Variants in ZNF407 observed in about 807,000 individuals in gnomAD.
ZNF407 encodes the protein zinc finger protein 407.
Under a neutral mutation model 131.2 loss-of-function variants are expected in ZNF407, and 17 were observed. The observed-to-expected ratio is 0.13, with a 90% CI of 0.09 to 0.19. The LOEUF (loss-of-function observed/expected upper bound fraction) is 0.19. Ranked by LOEUF, ZNF407 falls within the 10% of genes least tolerant of loss-of-function variation. ZNF407 has a pLI of 1.00. For missense variants in ZNF407, 2,681 were observed against 2,830.6 expected, an observed-to-expected ratio of 0.95 and a Z score of 1.20; for synonymous variants, 1,156 against 1,062.0, an observed-to-expected ratio of 1.09 and a Z score of -1.72.
intron 3 of ZNF407, among the ~76,000 whole-genome samples, chr18:74,762,643 G>T (rs931744667): frequency 9.3e-5 from 14 of 150,866 alleles, no homozygotes; most frequent in Admixed American, 7.3e-4. Flanking sequence ...TTATTAGCTT[G>T]CATTTTTAGA....
At chr18:75,005,558 C>T (rs1238636670) in intron 8 of ZNF407, among the ~76,000 whole-genome samples, 2 of 151,846 alleles carry the variant, frequency 1.3e-5, no homozygotes, top group Non-Finnish European at 2.9e-5. Flanking sequence ...CATTGACTGC[C>T]TTATTTTTTT....
intron 8 of ZNF407, among the ~76,000 whole-genome samples, chr18:75,031,326 T>G (rs756731911): frequency 4.6e-5 from 7 of 152,240 alleles, no homozygotes; most frequent in Non-Finnish European, 8.8e-5. Context: ...CATTTTCTAT[T>G]CTTTTGTTTA....
chr18:74,623,152 GA>G (rs1193136235), intron 1 of ZNF407, among the ~76,000 whole-genome samples: 1 of 45,214 alleles, frequency 2.2e-5, no homozygotes, highest in Non-Finnish European at 6.1e-5. Flanking sequence ...GTGAATGTGT[GA>G]GTGCGTGTGT....
At chr18:75,028,791 A>G (rs1027718145) in intron 8 of ZNF407, among the ~76,000 whole-genome samples, 1 of 152,176 alleles carries the variant, frequency 6.6e-6, no homozygotes, top group Non-Finnish European at 1.5e-5. Context: ...TCATATAGAC[A>G]TACGTTGTTA....
chr18:74,796,813 C>T (rs985654247), intron 4 of ZNF407, among the ~76,000 whole-genome samples: 1 of 152,034 alleles, frequency 6.6e-6, no homozygotes, highest in Admixed American at 6.5e-5. Flanking sequence ...GTCCTTGAGA[C>T]GGAATTTATC....
Position 74,641,060 on chromosome 18 carries a change from A to C in ZNF407, c.4740A>C (p.Gly1580=), listed in dbSNP as rs184329860. 99 of 1,613,450 alleles carry C rather than the reference A, an allele frequency of 6.1e-5. 1 individual carries two copies. In the East Asian group the frequency reaches 2.2e-3, roughly 36 times the overall value. ...KICHFATAQL[G]DARNHVKRHL... ...GCCATTTTGCAACAGCTCAGCTTGG[A>C]GATGCCAGAAACCATGTGAAAAGGC... is the stretch of plus-strand genomic sequence containing the variant. Residue 1580 remains glycine, a synonymous_variant, in exon 3 of 9, where the codon GGA becomes GGC. Transcript: ENST00000299687.
intron 4 of ZNF407, among the ~76,000 whole-genome samples, chr18:74,794,102 G>C (rs1473095318): frequency 6.6e-6 from 1 of 152,196 alleles, no homozygotes; most frequent in Non-Finnish European, 1.5e-5. Context: ...CTGGTGTTTG[G>C]TTTGTCACTG....
chr18:74,757,911 C>T (rs1969001746), intron 3 of ZNF407, among the ~76,000 whole-genome samples: 1 of 152,026 alleles, frequency 6.6e-6, no homozygotes, highest in Non-Finnish European at 1.5e-5. Context: ...AACAATCTTC[C>T]TTTTAACATT....
At chr18:74,764,989 C>CT (rs973846896) in intron 3 of ZNF407, among the ~76,000 whole-genome samples, 5 of 152,134 alleles carry the variant, frequency 3.3e-5, no homozygotes, top group African/African-American at 9.7e-5. Flanking sequence ...AGGGTTTGGT[C>CT]TTCCTGTCTC....
intron 4 of ZNF407, among the ~76,000 whole-genome samples, chr18:74,872,649 T>A (rs8084906): frequency 0.032 from 4,768 of 150,572 alleles, 228 homozygotes; most frequent in African/African-American, 0.11. Flanking sequence ...CCCAGCTACT[T>A]GGGAGGCTGA....
intron 8 of ZNF407, among the ~76,000 whole-genome samples, chr18:74,976,208 G>C (rs1301372144): frequency 3.3e-5 from 5 of 152,182 alleles, no homozygotes; most frequent in Admixed American, 3.3e-4. Flanking sequence ...TAACCACCCT[G>C]TGGAAGTGTG....
chr18:74,635,075 T>C lies in ZNF407; in HGVS notation c.4056T>C (p.Ser1352=). 6.2e-7 allele frequency: 1 copy of C among 1,613,872 alleles called. No homozygotes were observed. Among genetic ancestry groups the C allele is most frequent in the Non-Finnish European group, 8.5e-7 (1 of 1,179,862 alleles). ...ATGATAAAGGGCAGGCCATGTACAGTTTTGGTCGATTTGACTCCTCCATAA... is the reference window on the plus strand; with the variant it reads ...ATGATAAAGGGCAGGCCATGTACAGCTTTGGTCGATTTGACTCCTCCATAA... ...SIDDKGQAMY[S]FGRFDSSIIR... The change falls in exon 2 of 9, where the codon AGT becomes AGC. Residue 1352 remains serine, a synonymous_variant. Coordinates refer to ENST00000299687, the MANE Select transcript of ZNF407 (RefSeq NM_017757.3). The surrounding 1 kb of genome is among the most constrained non-coding windows in gnomAD (Gnocchi z 4.7).
At chr18:74,986,483 G>A (rs1203622931) in intron 8 of ZNF407, among the ~76,000 whole-genome samples, 1 of 152,138 alleles carries the variant, frequency 6.6e-6, no homozygotes, top group African/African-American at 2.4e-5. Flanking sequence ...CAAATTACTA[G>A]TGTATTATAT....
At chr18:74,680,909 A>G (rs1192409086) in intron 3 of ZNF407, among the ~76,000 whole-genome samples, 4 of 152,240 alleles carry the variant, frequency 2.6e-5, no homozygotes, top group African/African-American at 9.6e-5. Flanking sequence ...TTAGATGGTC[A>G]TAGTATAAAC....
At chr18:74,851,057 A>G (rs1599196668) in intron 4 of ZNF407, among the ~76,000 whole-genome samples, 3 of 152,254 alleles carry the variant, frequency 2.0e-5, no homozygotes, top group Admixed American at 2.0e-4. Flanking sequence ...GTTTGCATGG[A>G]AAACTATGGT....
At chr18:74,668,911 T>C (rs1198772665) in intron 3 of ZNF407, among the ~76,000 whole-genome samples, 1 of 151,940 alleles carries the variant, frequency 6.6e-6, no homozygotes, top group Non-Finnish European at 1.5e-5. Context: ...GATATATCAT[T>C]AAAAAAAACC....
chr18:74,883,470 G>C (rs541833216), intron 6 of ZNF407, among the ~76,000 whole-genome samples: 60 of 152,268 alleles, frequency 3.9e-4, no homozygotes, highest in African/African-American at 1.3e-3. Context: ...AAAGGAATAC[G>C]TATCAAAAGT....
intron 7 of ZNF407, among the ~76,000 whole-genome samples, chr18:74,905,028 G>A (rs1447571271): frequency 1.1e-4 from 16 of 152,126 alleles, no homozygotes; most frequent in Admixed American, 1.0e-3. Flanking sequence ...AAATGTTCAC[G>A]TTTTCTTTTA....
chr18:74,623,337 T>TGTGTGAGTGTGA (rs1555716419), intron 1 of ZNF407, among the ~76,000 whole-genome samples: 2 of 151,522 alleles, frequency 1.3e-5, no homozygotes, highest in African/African-American at 2.4e-5. Flanking sequence ...TGAAACTGCA[T>TGTGTGAGTGTGA]GTGTGAGTGT....
Sources: allele counts gnomAD v4.1 joint callset (sites outside exome capture counted in the v4.1 genomes callset), GRCh38; gene constraint gnomAD v4.1.1; non-coding constraint Gnocchi (gnomAD v3.1); transcripts MANE v1.5; gene names NCBI Gene and HGNC (gene_info 2026-07-23, HGNC 2026-07-21).